ADGRG5: variants seen among roughly 807,000 people sequenced by gnomAD.
The protein encoded by ADGRG5 is G protein-coupled receptor 114.
ADGRG5 carries 37 observed loss-of-function variants against 53.2 expected under a neutral mutation model. The observed-to-expected ratio is 0.70, with a 90% CI of 0.53 to 0.91. The LOEUF (loss-of-function observed/expected upper bound fraction) is 0.91, where lower values mean the gene tolerates loss of function less well. Ranked by LOEUF, ADGRG5 falls within the 40% of genes least tolerant of loss-of-function variation. ADGRG5 has a pLI of 0.00. For missense variants in ADGRG5, 614 were observed against 675.8 expected, an observed-to-expected ratio of 0.91 and a Z score of 1.01; for synonymous variants, 277 against 290.4, an observed-to-expected ratio of 0.95 and a Z score of 0.47.
Position 57,575,550 on chromosome 16 carries a change from T to C in ADGRG5, c.*12T>C. 1 of 1,599,664 alleles carries C rather than the reference T, an allele frequency of 6.3e-7. No homozygotes were observed. Among genetic ancestry groups the C allele is most frequent in the Non-Finnish European group, 8.6e-7 (1 of 1,166,986 alleles). On this transcript the variant is annotated 3_prime_UTR_variant, in exon 12 of 12. Transcript: ENST00000349457. ...AAACAACACAGTAGTCCGGGCCTCCTGGCCTGGAATCCTCAGCCTCTCTGG... is the reference window on the plus strand; with the variant it reads ...AAACAACACAGTAGTCCGGGCCTCCCGGCCTGGAATCCTCAGCCTCTCTGG...
Position 57,567,852 on chromosome 16 carries a change from G to T in ADGRG5, c.822-4G>T. On this transcript the variant is annotated splice_polypyrimidine_tract_variant and splice_region_variant and intron_variant, in intron 8 of 11. Coordinates refer to ENST00000349457, the MANE Select transcript of ADGRG5 (RefSeq NM_001304376.3). ...GCCATGGAGGACCATTCTCTCACCT[G>T]CAGGAAGCAGAGTGACTCCTTAACA... 1 of 1,605,920 alleles carries T rather than the reference G, an allele frequency of 6.2e-7. No homozygotes were observed.
chr16:57,568,124 G>A lies in ADGRG5; in HGVS notation c.1090G>A (p.Gly364Arg). Residue 364 changes from glycine (G) to arginine (R), a missense_variant and splice_region_variant, in exon 9 of 12, where the codon GGG (glycine) becomes AGG (arginine). By Grantham distance (125) the Gly-to-Arg change is moderately radical. Transcript: ENST00000349457. ...GTTCAAGCTTGGTGTGCTAGGCTGG[G>A]GTAAGCACATCATCTCTCCTCGCCT... Reference protein sequence around the residue: ...YVFKLGVLGWGAPALLVLLSL... With the variant: ...YVFKLGVLGWRAPALLVLLSL... 2 of 1,613,656 alleles carry A rather than the reference G, an allele frequency of 1.2e-6. No individual in the cohort carries two copies. Among genetic ancestry groups the A allele is most frequent in the East Asian group, 2.2e-5 (1 of 44,872 alleles).
At chr16:57,536,277 C>T in the ADGRG5 span, among the ~76,000 whole-genome samples, 2 of 152,120 alleles carry the variant, frequency 1.3e-5, no homozygotes, top group Non-Finnish European at 2.9e-5. Context: ...CCCCGCGGCC[C>T]CTCCCCACCG....
rs1372713511 is a variant in ADGRG5, at chr16:57,569,596, A to C, written c.1091-822A>C. Among the ~76,000 whole-genome samples the C allele has an allele frequency of 1.1e-4, 16 of 139,916 alleles. No homozygotes were observed. In the Admixed American group the frequency reaches 1.2e-3, roughly 10 times the overall value. The allele number at this position is 139,916 out of a possible 152,430, so 91.8% of individuals were successfully genotyped here. A position where few individuals can be genotyped will look rare whatever the true frequency, so the allele number is the denominator to read the frequency against. On this transcript the variant is annotated intron_variant, in intron 9 of 11. Coordinates refer to ENST00000349457, the MANE Select transcript of ADGRG5 (RefSeq NM_001304376.3). ...CTCCATCATCACCATCGCCTCCTCC[A>C]TCTCCTCCACCTCTATCATCGCCAT... is the stretch of plus-strand genomic sequence containing the variant.
At chr16:57,553,658 T>C (rs1442125184) in intron 1 of ADGRG5, among the ~76,000 whole-genome samples, 1 of 152,218 alleles carries the variant, frequency 6.6e-6, no homozygotes, top group Non-Finnish European at 1.5e-5. Context: ...GTTTTGTCAA[T>C]TCAAGATCCT....
At chr16:57,531,184 A>T in the ADGRG5 span, among the ~76,000 whole-genome samples, 2 of 151,686 alleles carry the variant, frequency 1.3e-5, no homozygotes, top group South Asian at 4.2e-4. Context: ...TGCCTGATAG[A>T]TGATTCAGGC....
intron 1 of ADGRG5, among the ~76,000 whole-genome samples, chr16:57,559,599 T>G (rs1203540285): frequency 2.6e-5 from 4 of 152,198 alleles, no homozygotes; most frequent in Non-Finnish European, 5.9e-5. Context: ...TTTCTCCTTA[T>G]CTACTTTTGC....
chr16:57,548,997 G>A (rs1410154634), intron 1 of ADGRG5, among the ~76,000 whole-genome samples: 1 of 152,108 alleles, frequency 6.6e-6, no homozygotes. Flanking sequence ...ATAGGTACAT[G>A]TTTAGTTTTA....
chr16:57,540,876 C>T (rs1386126638), upstream of ADGRG5, among the ~76,000 whole-genome samples: 4 of 152,092 alleles, frequency 2.6e-5, no homozygotes, highest in African/African-American at 9.7e-5. Context: ...CTGCAACCTC[C>T]ACCTCCCGGG....
chr16:57,556,330 A>G (rs2032882705), intron 1 of ADGRG5, among the ~76,000 whole-genome samples: 1 of 152,140 alleles, frequency 6.6e-6, no homozygotes, highest in South Asian at 2.1e-4. Flanking sequence ...GATTGGGTTT[A>G]TATCTACCAT....
intron 1 of ADGRG5, among the ~76,000 whole-genome samples, chr16:57,544,689 T>C (rs1567611877): frequency 6.6e-6 from 1 of 152,200 alleles, no homozygotes; most frequent in Non-Finnish European, 1.5e-5. Flanking sequence ...TTCTGTGCTG[T>C]CAGGTCCTCC....
chr16:57,553,677 A>G (rs2032804848), intron 1 of ADGRG5, among the ~76,000 whole-genome samples: 2 of 152,176 alleles, frequency 1.3e-5, no homozygotes, highest in South Asian at 4.1e-4. Context: ...CTTTGTTTTT[A>G]CATATAAATT....
At chr16:57,536,118 T>C in the ADGRG5 span, among the ~76,000 whole-genome samples, 2 of 151,912 alleles carry the variant, frequency 1.3e-5, no homozygotes, top group African/African-American at 4.8e-5. Context: ...CGCCGTGCTC[T>C]GATTGGCCAG....
At chr16:57,536,126 C>T in the ADGRG5 span, among the ~76,000 whole-genome samples, 2 of 152,176 alleles carry the variant, frequency 1.3e-5, no homozygotes, top group African/African-American at 4.8e-5. Flanking sequence ...TCTGATTGGC[C>T]AGCGCCGCCC....
At chr16:57,541,183 A>G (rs1234346339), upstream of ADGRG5, among the ~76,000 whole-genome samples, 2 of 152,134 alleles carry the variant, frequency 1.3e-5, no homozygotes, top group South Asian at 2.1e-4. Context: ...TTAGCCCCCA[A>G]CTGAAGCAAG....
At position 57,574,891 on chromosome 16, in the gene ADGRG5, G is replaced by C; in HGVS notation, c.1285G>C (p.Val429Leu). The change falls in exon 11 of 12, where the codon GTG (valine) becomes CTG (leucine). Residue 429 changes from valine to leucine, a missense_variant. Physicochemically the swap from Val to Leu is conservative, Grantham distance 32. Coordinates refer to ENST00000349457, the MANE Select transcript of ADGRG5 (RefSeq NM_001304376.3). The surrounding 1 kb of genome is among the most constrained non-coding windows in gnomAD (Gnocchi z 4.4). Reference sequence around the variant, plus strand: ...CGGCCTCACGTCCCTCTTCAACCTGGTGGTGCTGGCCTGGGCGCTGTGGAC... The same window carrying C: ...CGGCCTCACGTCCCTCTTCAACCTGCTGGTGCTGGCCTGGGCGCTGTGGAC... ...YGGLTSLFNL[V>L]VLAWALWTLR... 1 of 1,612,502 alleles carries C rather than the reference G, an allele frequency of 6.2e-7. No homozygotes were observed. The highest frequency in any genetic ancestry group is 8.5e-7 in the Non-Finnish European group (1 of 1,179,810).
At position 57,567,979 on chromosome 16, in the gene ADGRG5, G is replaced by A. The variant is rs115877955; in HGVS notation, c.945G>A (p.Thr315=). 9.0e-5 allele frequency: 146 copies of A among 1,613,986 alleles called. No homozygotes were observed. The East Asian group carries it at 2.0e-3, about 22-fold the overall frequency. Residue 315 remains threonine (T), a synonymous_variant, in exon 9 of 12, where the codon ACG becomes ACA. Coordinates refer to ENST00000349457, the MANE Select transcript of ADGRG5 (RefSeq NM_001304376.3). The stretch of plus-strand genomic sequence containing the variant: ...CTCCTGTGCCCGGGTCAGCATGCAC[G>A]GCTCTGGCCGCTGCCCTGCACTACG... ...AMSPVPGSAC[T]ALAAALHYAL...
At chr16:57,554,300 T>C (rs1163626660) in intron 1 of ADGRG5, among the ~76,000 whole-genome samples, 13 of 152,124 alleles carry the variant, frequency 8.5e-5, no homozygotes, top group Non-Finnish European at 1.5e-4. Flanking sequence ...TTATTGAGGT[T>C]TTCAAATAAC....
At chr16:57,555,535 TACTC>T (rs1240660395) in intron 1 of ADGRG5, among the ~76,000 whole-genome samples, 4 of 152,240 alleles carry the variant, frequency 2.6e-5, no homozygotes, top group Non-Finnish European at 5.9e-5. Context: ...TTCTAGCAAT[TACTC>T]AGAGACAAAT....
Sources: allele counts gnomAD v4.1 joint callset (sites outside exome capture counted in the v4.1 genomes callset), GRCh38; gene constraint gnomAD v4.1.1; non-coding constraint Gnocchi (gnomAD v3.1); transcripts MANE v1.5; gene names NCBI Gene and HGNC (gene_info 2026-07-23, HGNC 2026-07-21).